Variants in EDIL3 observed in about 807,000 individuals in gnomAD.
EDIL3 encodes EGF like and discoidin domains 3, also known as EGF-like repeat and discoidin I-like domain-containing protein 3.
Under a neutral mutation model 67.4 loss-of-function variants are expected in EDIL3, and 37 were observed. The ratio of observed to expected loss-of-function variants is 0.55; its 90% CI spans 0.42 to 0.72. The LOEUF is 0.72. Ranked by LOEUF, EDIL3 falls within the 30% of genes least tolerant of loss-of-function variation. The pLI, the probability that EDIL3 is intolerant of heterozygous loss-of-function variation, is 0.00. For synonymous variants in EDIL3, 195 were observed against 196.3 expected (o/e 0.99, Z 0.05); for missense variants, 527 against 586.3 (o/e 0.90, Z 1.04).
intron 9 of EDIL3, among the ~76,000 whole-genome samples, chr5:83,969,266 T>A (rs933592300): frequency 1.3e-5 from 2 of 151,820 alleles, no homozygotes; most frequent in Admixed American, 6.6e-5. Context: ...TATCCTCAAT[T>A]TTTCTATTAA....
At chr5:84,204,267 T>A (rs1035254331) in intron 3 of EDIL3, among the ~76,000 whole-genome samples, 3 of 152,196 alleles carry the variant, frequency 2.0e-5, no homozygotes, top group Admixed American at 2.0e-4. Flanking sequence ...CTTCAGGGAA[T>A]AATGTCCACT....
At position 84,087,257 on chromosome 5, in the gene EDIL3, T is replaced by C. The variant is rs150786323; in HGVS notation, c.651+19392A>G. ...ACATGACTAAACATCCTTTGTATAA[T>C]CTTCACAACAATTTTAAGAGGCCAT... On this transcript the variant is annotated intron_variant, in intron 6 of 10. Transcript: ENST00000296591. Among the ~76,000 whole-genome samples, 294 of 152,334 alleles carry C rather than the reference T, an allele frequency of 1.9e-3. 1 individual carries two copies. Among genetic ancestry groups the C allele is most frequent in the Middle Eastern group, 0.01 (3 of 294 alleles).
chr5:83,970,482 G>C (rs1400710625), intron 9 of EDIL3, among the ~76,000 whole-genome samples: 1 of 147,978 alleles, frequency 6.8e-6, no homozygotes, highest in East Asian at 2.0e-4. Context: ...CTGTTTTCAT[G>C]ATTGCATATT....
At chr5:84,337,640 C>T (rs774129624) in intron 1 of EDIL3, among the ~76,000 whole-genome samples, 17 of 152,062 alleles carry the variant, frequency 1.1e-4, no homozygotes, top group Non-Finnish European at 1.8e-4. Context: ...TTTCTGGCAC[C>T]ATATAGGGTT....
intron 5 of EDIL3, among the ~76,000 whole-genome samples, chr5:84,128,088 A>C (rs1447457415): frequency 6.6e-6 from 1 of 152,064 alleles, no homozygotes; most frequent in Non-Finnish European, 1.5e-5. Context: ...ATGCTGCTGG[A>C]AACCATTACT....
chr5:84,311,284 T>C (rs936643210), intron 1 of EDIL3, among the ~76,000 whole-genome samples: 1 of 151,704 alleles, frequency 6.6e-6, no homozygotes, highest in Non-Finnish European at 1.5e-5. Flanking sequence ...GTAGTACCAA[T>C]GTACCCTCCC....
chr5:83,968,219 G>A (rs1339903138), intron 9 of EDIL3, among the ~76,000 whole-genome samples: 1 of 152,004 alleles, frequency 6.6e-6, no homozygotes. Flanking sequence ...ACTAGTTAAT[G>A]TGATTAATAA....
intron 5 of EDIL3, among the ~76,000 whole-genome samples, chr5:84,121,172 T>G (rs1242242370): frequency 6.6e-6 from 1 of 152,022 alleles, no homozygotes; most frequent in Non-Finnish European, 1.5e-5. Flanking sequence ...AATCTGGGTC[T>G]AACCCCTCCA....
chr5:84,346,219 C>A (rs904416084), intron 1 of EDIL3, among the ~76,000 whole-genome samples: 1 of 148,364 alleles, frequency 6.7e-6, no homozygotes, highest in Non-Finnish European at 1.5e-5. Flanking sequence ...TCTTGGCTCA[C>A]TGCAACCTCC....
At chr5:84,119,236 T>TTTTTAA (rs3046829) in intron 5 of EDIL3, among the ~76,000 whole-genome samples, 3 of 140,062 alleles carry the variant, frequency 2.1e-5, no homozygotes, top group Admixed American at 7.3e-5. Context: ...TTTTTTTTTT[T>TTTTTAA]CACAGAAATG....
chr5:84,249,411 CTATCT>C (rs1459483230), intron 2 of EDIL3, among the ~76,000 whole-genome samples: 39 of 151,134 alleles, frequency 2.6e-4, no homozygotes, highest in Non-Finnish European at 4.6e-4. Flanking sequence ...ATCTATCTAT[CTATCT>C]ATCTATCTAT....
Position 84,249,606 on chromosome 5 carries a change from C to CT in EDIL3, c.196+4477dup, listed in dbSNP as rs199610915. 7.5e-4 allele frequency among the ~76,000 whole-genome samples: 114 copies of CT among 152,090 alleles called. 3 individuals carry two copies. The East Asian group carries it at 0.02, about 27-fold the overall frequency. On this transcript the variant is annotated intron_variant, in intron 2 of 10. Coordinates refer to ENST00000296591, the MANE Select transcript of EDIL3 (RefSeq NM_005711.5). ...ATATTTGTTTGAAAATAAATGAAAA[C>CT]TAAGATTTTATTTGTTTAAAAAAAG...
intron 3 of EDIL3, among the ~76,000 whole-genome samples, chr5:84,191,784 T>C (rs557325241): frequency 2.0e-5 from 3 of 152,132 alleles, no homozygotes; most frequent in Admixed American, 2.0e-4. Context: ...TTGTTTTCAT[T>C]TTTACTTTTT....
At chr5:84,032,930 G>C (rs1036197056) in intron 9 of EDIL3, among the ~76,000 whole-genome samples, 1 of 152,188 alleles carries the variant, frequency 6.6e-6, no homozygotes, top group Non-Finnish European at 1.5e-5. Flanking sequence ...ACAGTGCTCA[G>C]GGACTTCCAA....
In EDIL3 at chr5:84,369,669, T is replaced by A. The variant is rs370413885; in HGVS notation, c.67+14639A>T. Among the ~76,000 whole-genome samples, 7 of 152,094 alleles carry A rather than the reference T, an allele frequency of 4.6e-5. No homozygotes were observed. The East Asian group carries it at 9.6e-4, about 21-fold the overall frequency. ...TAAAGAGAATTATGGAGATGGATGG[T>A]CATAATGATTGCACAACATTATAAA... On this transcript the variant is annotated intron_variant, in intron 1 of 10. Coordinates refer to ENST00000296591, the MANE Select transcript of EDIL3 (RefSeq NM_005711.5).
chr5:84,115,816 G>T (rs543030263), intron 5 of EDIL3, among the ~76,000 whole-genome samples: 4 of 152,306 alleles, frequency 2.6e-5, no homozygotes, highest in African/African-American at 9.6e-5. Context: ...GAGCTAAGAA[G>T]GGTATAATGC....
At chr5:84,018,938 C>A (rs933523065) in intron 9 of EDIL3, among the ~76,000 whole-genome samples, 1 of 152,142 alleles carries the variant, frequency 6.6e-6, no homozygotes, top group Non-Finnish European at 1.5e-5. Context: ...CACTTTTACA[C>A]TGTTGGTGGG....
chr5:84,046,678 G>T (rs1446642141), intron 9 of EDIL3, among the ~76,000 whole-genome samples: 2 of 152,092 alleles, frequency 1.3e-5, no homozygotes, highest in East Asian at 3.9e-4. Flanking sequence ...TTACTCATTG[G>T]CATATTTTCA....
intron 2 of EDIL3, among the ~76,000 whole-genome samples, chr5:84,253,287 A>G (rs1745067783): frequency 6.6e-6 from 1 of 152,202 alleles, no homozygotes; most frequent in African/African-American, 2.4e-5. Context: ...ATGAACAGAT[A>G]TATTCCATCT....
Sources: gnomAD v4.1 joint callset for allele counts (sites outside exome capture counted in the v4.1 genomes callset) on GRCh38, gnomAD v4.1.1 for gene constraint, MANE v1.5 for transcripts, NCBI Gene and HGNC (gene_info 2026-07-23, HGNC 2026-07-21) for gene names.